SPATA31D1: variants seen among roughly 807,000 people sequenced by gnomAD.
SPATA31D1 encodes the protein spermatogenesis-associated protein 31D1.
SPATA31D1 carries 6 observed loss-of-function variants against 13.2 expected under a neutral mutation model. That is an observed-to-expected ratio of 0.46 (90% CI 0.25 to 0.90). The LOEUF (loss-of-function observed/expected upper bound fraction) is 0.90, where lower values mean the gene tolerates loss of function less well. Among genes scored for constraint, SPATA31D1 ranks in the 40% least tolerant of loss-of-function variants. SPATA31D1 has a pLI of 0.18. For synonymous variants in SPATA31D1, 903 were observed against 718.8 expected (o/e 1.26, Z -4.10); for missense variants, 2,445 against 1,884.7 (o/e 1.30, Z -5.50).
Position 81,991,936 on chromosome 9 carries a change from C to G in SPATA31D1, c.1466C>G (p.Ser489Cys). Residue 489 changes from serine (S) to cysteine (C), a missense_variant, in exon 4 of 4, where the codon TCT becomes TGT. By Grantham distance (112) the Ser-to-Cys change is moderately radical. Transcript: ENST00000344803. ...CACATCCATCAGCAGCCTCCACACT[C>G]TAAATGCTTTGAAGACCATTTAGAG... is the stretch of plus-strand genomic sequence containing the variant. ...WQHIHQQPPH[S>C]KCFEDHLEQK... is the part of the protein sequence containing the mutation. 1.2e-6 allele frequency: 2 copies of G among 1,613,844 alleles called. No individual in the cohort carries two copies. Among genetic ancestry groups the G allele is most frequent in the Non-Finnish European group, 8.5e-7 (1 of 1,179,732 alleles).
In SPATA31D1 at chr9:81,992,906, G is replaced by T. The variant is rs1825007033; in HGVS notation, c.2436G>T (p.Leu812=). Residue 812 remains leucine (L), a synonymous_variant, in exon 4 of 4, where the codon CTG becomes CTT. Transcript: ENST00000344803. The part of the protein sequence containing the change: ...ERDLETHMMH[L]SGNDSGVRLG... ...ACCTAGAAACTCATATGATGCATCT[G>T]TCAGGGAATGACTCAGGGGTGAGAC... 1 of 1,613,688 alleles carries T rather than the reference G, an allele frequency of 6.2e-7. No homozygotes were observed.
chr9:81,994,615 C>G lies in SPATA31D1; in HGVS notation c.4145C>G (p.Ser1382Ter), dbSNP rs1471401213. ...ESSWEKGSSL[S>*]SCVQNIGRVI... ...TCCTGGGAAAAGGGTAGCTCCCTGT[C>G]ATCATGTGTGCAGAATATTGGTCGA... The change falls in exon 4 of 4, where the codon TCA (serine) becomes TGA (stop). Residue 1382 changes from serine (S) to a stop codon, truncating the protein, a stop_gained. Coordinates refer to ENST00000344803, the MANE Select transcript of SPATA31D1 (RefSeq NM_001001670.3). LOFTEE classifies it low-confidence loss of function (END_TRUNC). 6.2e-7 allele frequency: 1 copy of G among 1,613,044 alleles called. No homozygotes were observed. The highest frequency in any genetic ancestry group is 1.1e-5 in the South Asian group (1 of 90,840).
intron 2 of SPATA31D1, 181 bp downstream of exon 2, chr9:81,990,004 C>G (rs1240881334): frequency 3.0e-6 from 2 of 674,640 alleles, no homozygotes; most frequent in Non-Finnish European, 4.9e-6. Flanking sequence ...AGGCCCTGCT[C>G]TGCCCATTTA....
intron 3 of SPATA31D1, 52 bp from the exon 4 acceptor site, chr9:81,990,721 C>A (rs1294101473): frequency 2.4e-5 from 37 of 1,551,384 alleles, no homozygotes; most frequent in Non-Finnish European, 3.2e-5. Flanking sequence ...TTAGGGAACC[C>A]ACCCCTGCCA....
In SPATA31D1 at chr9:81,992,816, A is replaced by T; in HGVS notation, c.2346A>T (p.Lys782Asn). The T allele has an allele frequency of 6.2e-7, 1 of 1,613,842 alleles. No homozygotes were observed. The highest frequency in any genetic ancestry group is 8.5e-7 in the Non-Finnish European group (1 of 1,179,726). The change falls in exon 4 of 4, where the codon AAA becomes AAT. Residue 782 changes from lysine to asparagine, a missense_variant. Transcript: ENST00000344803. Reference protein sequence around the residue: ...YQGYSQETVPKDHLLHGPETS... With the variant: ...YQGYSQETVPNDHLLHGPETS... ...GATACAGCCAGGAGACTGTCCCAAA[A>T]GATCACCTGTTGCATGGTCCGGAGA...
chr9:81,987,635 C>A (rs1824879047), upstream of SPATA31D1, among the ~76,000 whole-genome samples: 1 of 152,014 alleles, frequency 6.6e-6, no homozygotes, highest in African/African-American at 2.4e-5. Context: ...TAAATTAACC[C>A]CCAAGATCCC....
upstream of SPATA31D1, chr9:81,988,696 G>A: frequency 6.7e-7 from 1 of 1,486,492 alleles, no homozygotes; most frequent in Non-Finnish European, 9.1e-7. Context: ...TCCTCTTGTT[G>A]CTCCCTGCAC....
rs950181922 is a variant in SPATA31D1 at position 81,993,457 on chromosome 9, A to C, written c.2987A>C (p.Glu996Ala). The change falls in exon 4 of 4, where the codon GAA becomes GCA. Residue 996 changes from glutamate to alanine, a missense_variant. By Grantham distance (107) the Glu-to-Ala change is moderately radical. Coordinates refer to ENST00000344803, the MANE Select transcript of SPATA31D1 (RefSeq NM_001001670.3). ...CCTGTCTCCTCACCTGTCGTCCAAG[A>C]AGGGCAGGGGACCCTGAGAAGACAA... The part of the protein sequence containing the change: ...PHPVSSPVVQ[E>A]GQGTLRRQFS... 1.2e-6 allele frequency: 2 copies of C among 1,613,864 alleles called. No individual in the cohort carries two copies.
chr9:81,994,918 A>C lies in SPATA31D1; in HGVS notation c.4448A>C (p.Gln1483Pro), dbSNP rs746881545. 1.9e-6 allele frequency: 3 copies of C among 1,614,036 alleles called. No homozygotes were observed. The highest frequency in any genetic ancestry group is 1.6e-4 in the Middle Eastern group (1 of 6,062). Residue 1483 changes from glutamine to proline, a missense_variant, in exon 4 of 4, where the codon CAG becomes CCG. Physicochemically the swap from Gln to Pro is moderately conservative, Grantham distance 76 (BLOSUM62 -1). Transcript: ENST00000344803. ...AGCCAACAAGCTATCTTTGTTGGCC[A>C]GAATTATCCTACAAGGATTAGACAG... is the stretch of plus-strand genomic sequence containing the variant. The part of the protein sequence containing the change: ...SCSQQAIFVG[Q>P]NYPTRIRQII...
chr9:81,988,701 C>T (rs1369318260), upstream of SPATA31D1: 11 of 1,520,820 alleles, frequency 7.2e-6, no homozygotes, highest in African/African-American at 1.4e-5. Context: ...TTGTTGCTCC[C>T]TGCACCCTTA....
In SPATA31D1 at chr9:81,991,481, C is replaced by T. The variant is rs1307476022; in HGVS notation, c.1011C>T (p.Ser337=). Residue 337 remains serine (S), a synonymous_variant, in exon 4 of 4, where the codon TCC becomes TCT. Transcript: ENST00000344803. The part of the protein sequence containing the change: ...MLSLGGSGGS[S]TSAPTIKGID... The stretch of plus-strand genomic sequence containing the variant: ...CTCTAGGTGGCTCTGGTGGGTCATC[C>T]ACCTCTGCCCCAACAATCAAAGGCA... The T allele has an allele frequency of 6.2e-7, 1 of 1,614,000 alleles. No individual in the cohort carries two copies. The highest frequency in any genetic ancestry group is 1.7e-5 in the Admixed American group (1 of 60,012).
chr9:81,989,797 G>A lies in SPATA31D1; in HGVS notation c.206G>A (p.Arg69Lys). 1.9e-6 allele frequency: 3 copies of A among 1,613,760 alleles called. No individual in the cohort carries two copies. The highest frequency in any genetic ancestry group is 2.5e-6 in the Non-Finnish European group (3 of 1,179,762). The change falls in exon 2 of 4, where the codon AGG (arginine) becomes AAG (lysine). Residue 69 changes from arginine to lysine, a missense_variant. By Grantham distance (26) the Arg-to-Lys change is conservative. Transcript: ENST00000344803. ...TCTCAGCATCAGGGCAGAGCCAAGA[G>A]GAGAAGGAAAGGTGGGACATTCAAA... is the stretch of plus-strand genomic sequence containing the variant. ...DIQKHQGRAKRRRKGGTFKGF... is the reference protein window; with the variant it reads ...DIQKHQGRAKKRRKGGTFKGF...
Position 81,995,116 on chromosome 9 carries a change from C to T in SPATA31D1, c.4646C>T (p.Pro1549Leu). 6.2e-7 allele frequency: 1 copy of T among 1,606,532 alleles called. No individual in the cohort carries two copies. Among genetic ancestry groups the T allele is most frequent in the Non-Finnish European group, 8.5e-7 (1 of 1,176,180 alleles). Reference sequence around the variant, plus strand: ...GCCGTCCCAACCAGTGCTAAAAGCCCTGTGTTTAGTGATGTGCCTTTCCTA... The same window carrying T: ...GCCGTCCCAACCAGTGCTAAAAGCCTTGTGTTTAGTGATGTGCCTTTCCTA... ...CPAVPTSAKS[P>L]VFSDVPFLTG... Residue 1549 changes from proline to leucine, a missense_variant, in exon 4 of 4, where the codon CCT (proline) becomes CTT (leucine). Transcript: ENST00000344803.
In SPATA31D1 at chr9:81,988,914, G is replaced by C. The variant is rs750585711; in HGVS notation, c.96G>C (p.Leu32Phe). ...WLDIDPNFIC[L>F]SGLGLFILYL... ...ATATCGACCCCAACTTCATCTGCTT[G>C]AGTGGGTTGGGGTTGTTTATACTGT... Residue 32 changes from leucine (L) to phenylalanine (F), a missense_variant, in exon 1 of 4, where the codon TTG (leucine) becomes TTC (phenylalanine). By Grantham distance (22) the Leu-to-Phe change is conservative (BLOSUM62 0). Transcript: ENST00000344803. 5 of 1,612,564 alleles carry C rather than the reference G, an allele frequency of 3.1e-6. No individual in the cohort carries two copies. Among genetic ancestry groups the C allele is most frequent in the Non-Finnish European group, 4.2e-6 (5 of 1,179,716 alleles).
In SPATA31D1 at chr9:81,991,019, C is replaced by T. The variant is rs1319799982; in HGVS notation, c.549C>T (p.Asp183=). The change falls in exon 4 of 4, where the codon GAC becomes GAT. Residue 183 remains aspartate (D), a synonymous_variant. Coordinates refer to ENST00000344803, the MANE Select transcript of SPATA31D1 (RefSeq NM_001001670.3). ...CCCCCTCAGCAACCCCTCCAGAAGA[C>T]CTAATACTGTCCCCTCGGCCTAAGG... is the stretch of plus-strand genomic sequence containing the variant. ...ASTPSATPPE[D]LILSPRPKAS... is the part of the protein sequence containing the mutation. 2 of 1,613,618 alleles carry T rather than the reference C, an allele frequency of 1.2e-6. No individual in the cohort carries two copies. The highest frequency in any genetic ancestry group is 1.7e-5 in the Admixed American group (1 of 59,988).
Position 81,994,911 on chromosome 9 carries a change from G to T in SPATA31D1, c.4441G>T (p.Val1481Phe). ...ATCTTGCAGCCAACAAGCTATCTTT[G>T]TTGGCCAGAATTATCCTACAAGGAT... ...TKSCSQQAIF[V>F]GQNYPTRIRQ... Residue 1481 changes from valine (V) to phenylalanine (F), a missense_variant, in exon 4 of 4, where the codon GTT (valine) becomes TTT (phenylalanine). Val to Phe is a conservative substitution (Grantham distance 50, BLOSUM62 -1). Coordinates refer to ENST00000344803, the MANE Select transcript of SPATA31D1 (RefSeq NM_001001670.3). The T allele has an allele frequency of 1.9e-6, 3 of 1,613,994 alleles. No individual in the cohort carries two copies. The highest frequency in any genetic ancestry group is 2.5e-6 in the Non-Finnish European group (3 of 1,179,882).
Position 81,994,304 on chromosome 9 carries a change from C to G in SPATA31D1, c.3834C>G (p.Val1278=). The change falls in exon 4 of 4, where the codon GTC becomes GTG. Residue 1278 remains valine (V), a synonymous_variant. Transcript: ENST00000344803. ...AGGAGCCCAGGGTCCCTACCTGTGT[C>G]TTACAGAAGTGTCAAGTTACGAATT... The part of the protein sequence containing the change: ...QKQEPRVPTC[V]LQKCQVTNFP... The G allele has an allele frequency of 6.2e-7, 1 of 1,613,996 alleles. No individual in the cohort carries two copies. Among genetic ancestry groups the G allele is most frequent in the East Asian group, 2.2e-5 (1 of 44,870 alleles).
Position 81,993,329 on chromosome 9 carries a change from G to A in SPATA31D1, c.2859G>A (p.Gln953=), listed in dbSNP as rs1825019174. The part of the protein sequence containing the change: ...DLPSSATFIS[Q]GDSKDGVSKS... ...CCTCCTCAGCCACCTTCATCTCTCA[G>A]GGAGATTCCAAAGATGGGGTCTCTA... is the stretch of plus-strand genomic sequence containing the variant. Residue 953 remains glutamine (Q), a synonymous_variant, in exon 4 of 4, where the codon CAG becomes CAA. Transcript: ENST00000344803. The A allele has an allele frequency of 6.2e-7, 1 of 1,613,894 alleles. No individual in the cohort carries two copies. The highest frequency in any genetic ancestry group is 1.3e-5 in the African/African-American group (1 of 75,006).
At chr9:81,988,671 G>A, upstream of SPATA31D1, 2 of 1,310,316 alleles carry the variant, frequency 1.5e-6, no homozygotes, top group Non-Finnish European at 2.1e-6. Context: ...TGGGGTTGGG[G>A]CTGTGGACAC....
Sources: gnomAD v4.1 joint callset for allele counts (sites outside exome capture counted in the v4.1 genomes callset) on GRCh38, gnomAD v4.1.1 for gene constraint, MANE v1.5 for transcripts, NCBI Gene and HGNC (gene_info 2026-07-23, HGNC 2026-07-21) for gene names.